Variants in ZFHX3 observed in about 807,000 individuals in gnomAD.
ZFHX3 encodes zinc finger homeobox 3, also known as zinc finger homeobox protein 3.
A neutral mutation model predicts 279.1 loss-of-function variants in ZFHX3; 42 were observed. The observed-to-expected ratio is 0.15, with a 90% CI of 0.12 to 0.19. The LOEUF is 0.19. Ranked by LOEUF, ZFHX3 falls within the 10% of genes least tolerant of loss-of-function variation. ZFHX3 has a pLI of 1.00. For missense variants in ZFHX3, 4,981 were observed against 4,754.0 expected, an observed-to-expected ratio of 1.05 and a Z score of -1.40; for synonymous variants, 2,293 against 1,957.8, an observed-to-expected ratio of 1.17 and a Z score of -4.52.
chr16:73,559,748 C>T (rs997292144), intron 2 of ZFHX3, among the ~76,000 whole-genome samples: 1 of 152,028 alleles, frequency 6.6e-6, no homozygotes, highest in Non-Finnish European at 1.5e-5. Flanking sequence ...CTGGCTCTAC[C>T]CTGTCTCTCT....
intron 2 of ZFHX3, among the ~76,000 whole-genome samples, chr16:73,597,650 C>T (rs1237980289): frequency 1.3e-5 from 2 of 152,114 alleles, no homozygotes; most frequent in Non-Finnish European, 2.9e-5. Flanking sequence ...CATCCACAAG[C>T]CAAGGATGGC....
intron 4 of ZFHX3, among the ~76,000 whole-genome samples, chr16:72,869,890 C>T (rs1251463973): frequency 6.6e-6 from 1 of 152,122 alleles, no homozygotes; most frequent in African/African-American, 2.4e-5. Context: ...AGCTGATGCC[C>T]GCAATCAAGA....
intron 1 of ZFHX3, among the ~76,000 whole-genome samples, chr16:73,762,680 C>T (rs2053883378): frequency 6.6e-6 from 1 of 152,130 alleles, no homozygotes; most frequent in Non-Finnish European, 1.5e-5. Context: ...TTTGCAGGGA[C>T]ATGGATGGAG....
intron 1 of ZFHX3, among the ~76,000 whole-genome samples, chr16:73,876,073 T>C (rs1239466768): frequency 6.6e-6 from 1 of 152,174 alleles, no homozygotes; most frequent in Non-Finnish European, 1.5e-5. Context: ...GTGTCTGAAT[T>C]TTTTAAAAGG....
intron 2 of ZFHX3, among the ~76,000 whole-genome samples, chr16:73,473,362 A>AC (rs1567494427): frequency 1.7e-5 from 1 of 58,434 alleles, no homozygotes; most frequent in Non-Finnish European, 3.5e-5. Context: ...AAAAAACAAA[A>AC]AAAAAAAAAA....
At chr16:73,610,546 AAAAC>A (rs1275076876) in intron 2 of ZFHX3, among the ~76,000 whole-genome samples, 6 of 152,232 alleles carry the variant, frequency 3.9e-5, no homozygotes, top group Admixed American at 6.5e-5. Flanking sequence ...ACCCACAGGA[AAAAC>A]AAACAGTCTG....
chr16:73,448,181 G>C (rs1282288953), intron 3 of ZFHX3, among the ~76,000 whole-genome samples: 3 of 152,066 alleles, frequency 2.0e-5, no homozygotes, highest in Non-Finnish European at 4.4e-5. Flanking sequence ...CATTAAGCCA[G>C]GATGCCAAAA....
At chr16:73,463,010 G>A (rs2018498648) in intron 2 of ZFHX3, among the ~76,000 whole-genome samples, 1 of 152,086 alleles carries the variant, frequency 6.6e-6, no homozygotes, top group Non-Finnish European at 1.5e-5. Context: ...ATGTTTGTCA[G>A]AATTCTTCAG....
At chr16:73,635,301 AC>A (rs2052517443) in intron 2 of ZFHX3, among the ~76,000 whole-genome samples, 1 of 152,202 alleles carries the variant, frequency 6.6e-6, no homozygotes, top group Non-Finnish European at 1.5e-5. Context: ...TGCATACTTC[AC>A]TGATATCCCT....
chr16:72,906,893 G>A (rs1311210856), intron 3 of ZFHX3, among the ~76,000 whole-genome samples: 3 of 152,208 alleles, frequency 2.0e-5, no homozygotes, highest in Non-Finnish European at 2.9e-5. Context: ...GGGTGGAAGC[G>A]AGGACTAGAG....
intron 5 of ZFHX3, among the ~76,000 whole-genome samples, chr16:73,213,734 G>A (rs1043317045): frequency 6.6e-6 from 1 of 152,088 alleles, no homozygotes; most frequent in African/African-American, 2.4e-5. Flanking sequence ...TTTAGTTGCT[G>A]TTTCTCCTAG....
At chr16:73,534,232 T>G (rs2019855659) in intron 2 of ZFHX3, among the ~76,000 whole-genome samples, 1 of 152,280 alleles carries the variant, frequency 6.6e-6, no homozygotes, top group South Asian at 2.1e-4. Flanking sequence ...ATACTTCCAC[T>G]TTAGGGCCTT....
intron 5 of ZFHX3, among the ~76,000 whole-genome samples, chr16:72,816,993 G>A (rs999730918): frequency 5.9e-5 from 9 of 152,214 alleles, no homozygotes; most frequent in Non-Finnish European, 1.3e-4. Flanking sequence ...ATAGGGAAGA[G>A]AGCTGATAAG....
At chr16:72,933,869 A>G (rs1959963159) in intron 3 of ZFHX3, among the ~76,000 whole-genome samples, 2 of 133,240 alleles carry the variant, frequency 1.5e-5, no homozygotes, top group African/African-American at 5.5e-5. Flanking sequence ...CCCAGGCTGT[A>G]GTGCAGTGTC....
At chr16:72,823,952 C>T (rs528807140) in intron 5 of ZFHX3, among the ~76,000 whole-genome samples, 9 of 151,376 alleles carry the variant, frequency 5.9e-5, no homozygotes, top group East Asian at 3.9e-4. Flanking sequence ...TTTGGAAAAA[C>T]GAAAAAAAAA....
At chr16:73,694,558 G>A (rs2053178006) in intron 1 of ZFHX3, among the ~76,000 whole-genome samples, 1 of 152,048 alleles carries the variant, frequency 6.6e-6, no homozygotes, top group East Asian at 2.0e-4. Context: ...TGGCCAGGCT[G>A]GTCTTGAACT....
chr16:72,815,403 C>T (rs1362802575), intron 5 of ZFHX3, among the ~76,000 whole-genome samples: 4 of 139,944 alleles, frequency 2.9e-5, no homozygotes, highest in Non-Finnish European at 6.0e-5. Context: ...GTGAGACTGT[C>T]TCAAAAAAAA....
intron 7 of ZFHX3, among the ~76,000 whole-genome samples, chr16:73,121,999 T>A (rs1039018329): frequency 5.3e-5 from 8 of 152,152 alleles, no homozygotes; most frequent in African/African-American, 1.9e-4. Context: ...TATATTCTCT[T>A]CATGAATATT....
At chr16:73,159,364 G>T (rs1967171301) in intron 5 of ZFHX3, among the ~76,000 whole-genome samples, 1 of 151,690 alleles carries the variant, frequency 6.6e-6, no homozygotes, top group Admixed American at 6.5e-5. Context: ...ACAGACTCTG[G>T]TCTGGCCATA....
Sources: gnomAD v4.1 joint callset for allele counts (sites outside exome capture counted in the v4.1 genomes callset) on GRCh38, gnomAD v4.1.1 for gene constraint, MANE v1.5 for transcripts, NCBI Gene and HGNC (gene_info 2026-07-23, HGNC 2026-07-21) for gene names.